Variants in ADGRF1 observed in about 807,000 individuals in gnomAD.
ADGRF1 encodes adhesion G protein-coupled receptor F1, also known as G protein-coupled receptor 110.
ADGRF1 carries 85 observed loss-of-function variants against 87.2 expected under a neutral mutation model. The ratio of observed to expected loss-of-function variants is 0.97; its 90% confidence interval spans 0.82 to 1.17. ADGRF1 has a LOEUF of 1.17. Among genes scored for constraint, ADGRF1 ranks in the 50% most tolerant of loss-of-function variants. ADGRF1 has a pLI of 0.00. For missense variants in ADGRF1, 1,169 were observed against 1,077.2 expected (o/e 1.09, Z -1.19); for synonymous variants, 430 against 408.8 (o/e 1.05, Z -0.63).
At position 47,009,383 on chromosome 6, in the gene ADGRF1, G is replaced by A; in HGVS notation, c.2052C>T (p.Tyr684=). ...WMLMLGILLA[Y]RIILVFHHMA... is the part of the protein sequence containing the mutation. The stretch of plus-strand genomic sequence containing the variant: ...TGTGATGGAACACGAGGATGATCCG[G>A]TAAGCCAGCAGGATGCCAAGCATGA... The change falls in exon 11 of 15, where the codon TAC becomes TAT. Residue 684 remains tyrosine (Y), a synonymous_variant. Coordinates refer to ENST00000371253, the MANE Select transcript of ADGRF1 (RefSeq NM_153840.4). 6.2e-7 allele frequency: 1 copy of A among 1,613,940 alleles called. No individual in the cohort carries two copies. Among genetic ancestry groups the A allele is most frequent in the Non-Finnish European group, 8.5e-7 (1 of 1,179,988 alleles).
At chr6:47,031,934 C>T (rs775231052) in intron 1 of ADGRF1, among the ~76,000 whole-genome samples, 10 of 152,160 alleles carry the variant, frequency 6.6e-5, no homozygotes, top group Non-Finnish European at 1.3e-4. Context: ...TGGTCTTAAA[C>T]TCCTGGGCTT....
intron 11 of ADGRF1, 117 bp from the exon 12 acceptor site, chr6:47,007,411 C>A (rs1779563384): frequency 1.8e-5 from 11 of 598,226 alleles, no homozygotes; most frequent in Middle Eastern, 9.1e-4. Flanking sequence ...TGTCTGTCTC[C>A]TTAAGAGACT....
In ADGRF1 at chr6:47,020,762, C is replaced by A; in HGVS notation, c.580G>T (p.Gly194Cys). 1 of 1,613,874 alleles carries A rather than the reference C, an allele frequency of 6.2e-7. No homozygotes were observed. Among genetic ancestry groups the A allele is most frequent in the East Asian group, 2.2e-5 (1 of 44,870 alleles). Residue 194 changes from glycine (G) to cysteine (C), a missense_variant, in exon 7 of 15, where the codon GGT becomes TGT. Physicochemically the swap from Gly to Cys is radical, Grantham distance 159. Transcript: ENST00000371253. ...TGGGTGACCTGAACCGACTCAAAAC[C>A]TTGAATTCTTTCATATGCTTTTTTA... ...QLKKAYERIQ[G>C]FESVQVTQFR... is the part of the protein sequence containing the mutation.
chr6:47,004,429 C>T (rs1000452557), intron 13 of ADGRF1, among the ~76,000 whole-genome samples: 11 of 152,200 alleles, frequency 7.2e-5, no homozygotes, highest in Admixed American at 5.2e-4. Flanking sequence ...GGTACAAATA[C>T]AGACACTGCC....
chr6:47,025,042 G>T (rs1780185071), intron 4 of ADGRF1, among the ~76,000 whole-genome samples: 1 of 152,206 alleles, frequency 6.6e-6, no homozygotes, highest in South Asian at 2.1e-4. Context: ...GATGACAAAG[G>T]CAGAGAAACA....
chr6:47,039,291 A>T (rs1389066055), intron 1 of ADGRF1, among the ~76,000 whole-genome samples: 1 of 152,256 alleles, frequency 6.6e-6, no homozygotes, highest in East Asian at 1.9e-4. Flanking sequence ...TTGCAGTTTT[A>T]GGACTGCATA....
intron 10 of ADGRF1, among the ~76,000 whole-genome samples, chr6:47,011,050 T>C (rs1375105396): frequency 6.6e-6 from 1 of 152,322 alleles, no homozygotes; most frequent in South Asian, 2.1e-4. Context: ...TGCCTTCTAG[T>C]CCAGAATCCC....
rs764115145 is a variant in ADGRF1 at position 47,009,336 on chromosome 6, G to A, written c.2099C>T (p.Ala700Val). Residue 700 changes from alanine (A) to valine (V), a missense_variant, in exon 11 of 15, where the codon GCT (alanine) becomes GTT (valine). Coordinates refer to ENST00000371253, the MANE Select transcript of ADGRF1 (RefSeq NM_153840.4). Reference sequence around the variant, plus strand: ...CCCATAACCCAGGCAAAATCCAACAGCCATCATCAAATGCTGGGCCATGTG... The same window carrying A: ...CCCATAACCCAGGCAAAATCCAACAACCATCATCAAATGCTGGGCCATGTG... ...FHHMAQHLMMAVGFCLGYGCP... is the reference protein window; with the variant it reads ...FHHMAQHLMMVVGFCLGYGCP... The A allele has an allele frequency of 3.8e-5, 62 of 1,614,038 alleles. No individual in the cohort carries two copies. The highest frequency in any genetic ancestry group is 3.3e-5 in the Admixed American group (2 of 59,990).
At chr6:47,036,112 T>C (rs1288323540) in intron 1 of ADGRF1, among the ~76,000 whole-genome samples, 1 of 152,108 alleles carries the variant, frequency 6.6e-6, no homozygotes. Context: ...GCACCTGTGG[T>C]CCCAGCTACT....
At chr6:47,027,799 G>T (rs760303215) in intron 2 of ADGRF1, 38 bp from the exon 3 acceptor site, 1 of 1,195,204 alleles carries the variant, frequency 8.4e-7, no homozygotes, top group East Asian at 2.3e-5. Context: ...GTGAGACTTT[G>T]AAGAGTTGTG....
At position 46,999,025 on chromosome 6, in the gene ADGRF1, C is replaced by T. The variant is rs1462976578; in HGVS notation, c.*1197G>A. ...CATGTCAGGAGGCTAAGAGACACTCCCTAGGCCTCTCAAAACAGCAAGGAT... is the reference window on the plus strand; with the variant it reads ...CATGTCAGGAGGCTAAGAGACACTCTCTAGGCCTCTCAAAACAGCAAGGAT... On this transcript the variant is annotated 3_prime_UTR_variant, in exon 15 of 15. Transcript: ENST00000371253. 1.3e-5 allele frequency: 2 copies of T among 152,206 alleles called. No individual in the cohort carries two copies. The highest frequency in any genetic ancestry group is 2.9e-5 in the Non-Finnish European group (2 of 68,060). The allele number at this position is 152,206 out of a possible 1,614,324, so 9.4% of individuals were successfully genotyped here.
At chr6:47,032,576 C>T (rs1780460953) in intron 1 of ADGRF1, among the ~76,000 whole-genome samples, 1 of 152,222 alleles carries the variant, frequency 6.6e-6, no homozygotes, top group South Asian at 2.1e-4. Context: ...AGCCAGGGTC[C>T]TGTTCCCAGC....
At chr6:47,013,747 G>T in intron 9 of ADGRF1, 1 of 690,864 alleles carries the variant, frequency 1.4e-6, no homozygotes, top group Non-Finnish European at 1.8e-6. Context: ...GGTGGGAGAT[G>T]ATTGGATCAT....
At chr6:47,005,911 A>T (rs1305332771) in intron 12 of ADGRF1, 35 bp from the exon 13 acceptor site, 5 of 1,426,380 alleles carry the variant, frequency 3.5e-6, no homozygotes, top group Non-Finnish European at 4.9e-6. Flanking sequence ...GAGGAGATAC[A>T]CATACAATCA....
chr6:47,041,757 A>T (rs975481948), intron 1 of ADGRF1, among the ~76,000 whole-genome samples: 1 of 152,196 alleles, frequency 6.6e-6, no homozygotes, highest in African/African-American at 2.4e-5. Context: ...AAATAAGCTT[A>T]ATTCTCTCAA....
chr6:47,012,662 T>C (rs1011510623), intron 9 of ADGRF1: 1 of 988,158 alleles, frequency 1.0e-6, no homozygotes, highest in Non-Finnish European at 1.2e-6. Flanking sequence ...AATCCTGTTA[T>C]GTTCACCACG....
intron 4 of ADGRF1, among the ~76,000 whole-genome samples, chr6:47,025,098 A>G (rs955622709): frequency 1.6e-4 from 24 of 152,156 alleles, no homozygotes; most frequent in South Asian, 8.3e-4. Context: ...TAGCAATCCT[A>G]TATGCCTGCC....
intron 11 of ADGRF1, among the ~76,000 whole-genome samples, chr6:47,007,848 T>C (rs1779576479): frequency 6.6e-6 from 1 of 152,202 alleles, no homozygotes; most frequent in South Asian, 2.1e-4. Flanking sequence ...GAGACTGTAC[T>C]CCTGCTCCCC....
At chr6:47,013,295 C>T in intron 9 of ADGRF1, 2 of 985,426 alleles carry the variant, frequency 2.0e-6, no homozygotes, top group Non-Finnish European at 2.4e-6. Context: ...TCAACTATTG[C>T]TCATGTCCAG....
Sources: allele counts gnomAD v4.1 joint callset (sites outside exome capture counted in the v4.1 genomes callset), GRCh38; gene constraint gnomAD v4.1.1; transcripts MANE v1.5; gene names NCBI Gene and HGNC (gene_info 2026-07-23, HGNC 2026-07-21).